KLRG1: variants seen among roughly 807,000 people sequenced by gnomAD.
KLRG1 encodes the protein killer cell lectin like receptor G1, also known as killer cell lectin-like receptor subfamily G member 1.
KLRG1 carries 16 observed loss-of-function variants against 21.8 expected under a neutral mutation model. The ratio of observed to expected loss-of-function variants is 0.73; its 90% CI spans 0.50 to 1.11. The LOEUF (loss-of-function observed/expected upper bound fraction) is 1.11, where lower values mean the gene tolerates loss of function less well. Ranked by LOEUF, KLRG1 falls within the 50% of genes most tolerant of loss-of-function variation. KLRG1 has a pLI of 0.00. For synonymous variants in KLRG1, 69 were observed against 75.9 expected (o/e 0.91, Z 0.47); for missense variants, 173 against 218.3 (o/e 0.79, Z 1.31).
chr12:9,194,353 A>C, the KLRG1 span: 3 of 840,462 alleles, frequency 3.6e-6, no homozygotes, highest in African/African-American at 3.4e-5. Flanking sequence ...CCTCAAAAAA[A>C]CCCCACCAAA....
At chr12:9,159,761 G>A in the KLRG1 span, among the ~76,000 whole-genome samples, 22 of 151,254 alleles carry the variant, frequency 1.5e-4, no homozygotes, top group African/African-American at 2.2e-4. Context: ...AACTAGATGC[G>A]GCCCCTAGAC....
At chr12:9,123,872 T>C in the KLRG1 span, among the ~76,000 whole-genome samples, 1 of 143,102 alleles carries the variant, frequency 7.0e-6, no homozygotes, top group African/African-American at 3.0e-5. Context: ...AAATGCAAGA[T>C]GAGCCTAGAA....
At chr12:9,207,961 A>G in the KLRG1 span, among the ~76,000 whole-genome samples, 2 of 152,210 alleles carry the variant, frequency 1.3e-5, no homozygotes, top group Non-Finnish European at 2.9e-5. Context: ...GAATATCTCT[A>G]TATTCAGTGC....
At chr12:9,097,629 ATTC>A in the KLRG1 span, among the ~76,000 whole-genome samples, 1 of 122,752 alleles carries the variant, frequency 8.1e-6, no homozygotes, top group African/African-American at 3.2e-5. Flanking sequence ...AACTGATGTA[ATTC>A]TTTTTTTTTT....
chr12:9,154,563 C>T, the KLRG1 span: 5 of 1,512,770 alleles, frequency 3.3e-6, no homozygotes, highest in Non-Finnish European at 4.6e-6. Flanking sequence ...TACTTTTAAG[C>T]CTCCCAATTG....
chr12:9,149,703 T>C, the KLRG1 span: 4 of 1,090,758 alleles, frequency 3.7e-6, no homozygotes, highest in Non-Finnish European at 5.3e-6. Flanking sequence ...AAGCACGCCC[T>C]ATCAGAATTG....
the KLRG1 span, chr12:9,168,488 C>T: frequency 1.3e-4 from 22 of 173,602 alleles, no homozygotes; most frequent in African/African-American, 3.8e-4. Flanking sequence ...GTGATGTTCA[C>T]GTTGTTTCTT....
chr12:9,206,322 T>A, the KLRG1 span, among the ~76,000 whole-genome samples: 1 of 151,978 alleles, frequency 6.6e-6, no homozygotes. Flanking sequence ...CGATTAAAAA[T>A]TAATTCCACA....
the KLRG1 span, chr12:9,027,850 C>T: frequency 1.0e-6 from 1 of 974,176 alleles, no homozygotes; most frequent in Non-Finnish European, 1.6e-6. Context: ...CCAAAGTTGT[C>T]ACTCCCACCA....
chr12:9,109,318 C>T, the KLRG1 span: 1 of 1,607,816 alleles, frequency 6.2e-7, no homozygotes, highest in Non-Finnish European at 8.5e-7. Flanking sequence ...AAAATGAACT[C>T]ACAGGCCACA....
the KLRG1 span, among the ~76,000 whole-genome samples, chr12:9,139,351 T>G: frequency 2.0e-3 from 311 of 152,308 alleles, 2 homozygotes; most frequent in African/African-American, 6.9e-3. Flanking sequence ...AATATGTGAC[T>G]TATCCTGGGG....
intron 1 of KLRG1, among the ~76,000 whole-genome samples, chr12:8,990,518 C>G (rs1946936579): frequency 6.6e-6 from 1 of 152,048 alleles, no homozygotes; most frequent in South Asian, 2.1e-4. Flanking sequence ...CTAAATCATT[C>G]TAGTATACTT....
At chr12:9,125,747 T>C in the KLRG1 span, among the ~76,000 whole-genome samples, 1 of 152,216 alleles carries the variant, frequency 6.6e-6, no homozygotes, top group East Asian at 1.9e-4. Context: ...TGTTTGTTTG[T>C]TTTTTGAGAT....
downstream of KLRG1, among the ~76,000 whole-genome samples, chr12:9,013,488 G>A (rs753921656): frequency 6.2e-4 from 94 of 152,110 alleles, 1 homozygote; most frequent in African/African-American, 2.0e-3. Flanking sequence ...GTGTTAGTCC[G>A]TTTTCATCCT....
At chr12:9,011,307 C>T (rs1051490308), downstream of KLRG1, among the ~76,000 whole-genome samples, 12 of 152,226 alleles carry the variant, frequency 7.9e-5, no homozygotes, top group African/African-American at 2.2e-4. Context: ...CTTATTTATT[C>T]CTTAGACTTA....
chr12:8,958,146 A>G (rs895032737), intron 1 of KLRG1, among the ~76,000 whole-genome samples: 1 of 152,158 alleles, frequency 6.6e-6, no homozygotes, highest in Admixed American at 6.5e-5. Flanking sequence ...TCTTCTCCCA[A>G]CATGGCCTCC....
chr12:9,092,995 G>A, the KLRG1 span, among the ~76,000 whole-genome samples: 1 of 152,218 alleles, frequency 6.6e-6, no homozygotes, highest in African/African-American at 2.4e-5. Context: ...AGTGAAATAA[G>A]CCAGACACAG....
At chr12:9,123,101 G>A in the KLRG1 span, among the ~76,000 whole-genome samples, 1 of 151,932 alleles carries the variant, frequency 6.6e-6, no homozygotes, top group African/African-American at 2.4e-5. Context: ...CTTGTTACTG[G>A]TACAAATATT....
At chr12:9,158,331 G>C in the KLRG1 span, 1 of 1,514,562 alleles carries the variant, frequency 6.6e-7, no homozygotes, top group Non-Finnish European at 9.0e-7. Flanking sequence ...CTTCATCTTT[G>C]CAATTTCCTT....
Sources: gnomAD v4.1 joint callset for allele counts (sites outside exome capture counted in the v4.1 genomes callset) on GRCh38, gnomAD v4.1.1 for gene constraint, MANE v1.5 for transcripts, NCBI Gene and HGNC (gene_info 2026-07-23, HGNC 2026-07-21) for gene names.